MAML3: variants seen among roughly 807,000 people sequenced by gnomAD.
MAML3 encodes the protein mastermind like transcriptional coactivator 3, also known as mastermind-like protein 3.
Under a neutral mutation model 101.9 loss-of-function variants are expected in MAML3, and 27 were observed. The observed-to-expected ratio is 0.27, with a 90% CI of 0.20 to 0.37. The LOEUF (loss-of-function observed/expected upper bound fraction) is 0.37, where lower values mean the gene tolerates loss of function less well. MAML3 is among the 10% of genes least tolerant of loss of function. The pLI is 1.00. For synonymous variants in MAML3, 501 were observed against 555.9 expected, an observed-to-expected ratio of 0.90 and a Z score of 1.39; for missense variants, 1,316 against 1,444.9, an observed-to-expected ratio of 0.91 and a Z score of 1.45.
At chr4:139,860,005 C>G (rs185256125) in intron 2 of MAML3, among the ~76,000 whole-genome samples, 3 of 152,096 alleles carry the variant, frequency 2.0e-5, no homozygotes, top group Admixed American at 1.3e-4. Flanking sequence ...GAGCAGCCAC[C>G]GAGCCTCGAG....
At chr4:140,066,272 A>G (rs1400506852) in intron 1 of MAML3, among the ~76,000 whole-genome samples, 2 of 152,220 alleles carry the variant, frequency 1.3e-5, no homozygotes, top group Non-Finnish European at 2.9e-5. Flanking sequence ...CTTTCTAACA[A>G]TGAAGGTGGG....
intron 1 of MAML3, among the ~76,000 whole-genome samples, chr4:139,951,239 A>G (rs1414581265): frequency 2.0e-5 from 3 of 152,170 alleles, no homozygotes; most frequent in African/African-American, 7.2e-5. Context: ...CCATTGCCCA[A>G]AGCTGTTTTC....
At chr4:139,821,534 T>C (rs190866481) in intron 2 of MAML3, among the ~76,000 whole-genome samples, 4 of 152,184 alleles carry the variant, frequency 2.6e-5, no homozygotes, top group Admixed American at 6.5e-5. Context: ...TGGTCCCTGG[T>C]GCCAAAAAGG....
intron 2 of MAML3, among the ~76,000 whole-genome samples, chr4:139,831,553 G>A (rs1215962437): frequency 1.3e-5 from 2 of 152,078 alleles, no homozygotes; most frequent in African/African-American, 4.8e-5. Context: ...AAGAGGGTGT[G>A]GTCTTGCTGA....
intron 1 of MAML3, among the ~76,000 whole-genome samples, chr4:140,143,281 C>T (rs1729005013): frequency 1.3e-5 from 2 of 152,202 alleles, no homozygotes; most frequent in Non-Finnish European, 2.9e-5. Flanking sequence ...GTTCAGGAGA[C>T]GTTGGCTTGT....
intron 2 of MAML3, among the ~76,000 whole-genome samples, chr4:139,864,863 A>G (rs1186804644): frequency 6.6e-6 from 1 of 150,482 alleles, no homozygotes; most frequent in Non-Finnish European, 1.5e-5. Flanking sequence ...TAGTAAGCTG[A>G]TCAGAAAAAA....
At chr4:139,891,536 C>T (rs1280148985) in intron 1 of MAML3, among the ~76,000 whole-genome samples, 1 of 152,168 alleles carries the variant, frequency 6.6e-6, no homozygotes, top group Non-Finnish European at 1.5e-5. Flanking sequence ...CCTCAGCCTT[C>T]CTAAGTGCTG....
intron 1 of MAML3, among the ~76,000 whole-genome samples, chr4:140,064,395 T>C (rs894165426): frequency 1.3e-5 from 2 of 152,178 alleles, no homozygotes; most frequent in Non-Finnish European, 2.9e-5. Context: ...GCCTTTTGCG[T>C]TTTGATAAGA....
intron 1 of MAML3, among the ~76,000 whole-genome samples, chr4:140,038,336 G>A (rs997006966): frequency 6.6e-6 from 1 of 152,232 alleles, no homozygotes; most frequent in Admixed American, 6.5e-5. Context: ...TGGCAATGGT[G>A]CACCTCTTGT....
At chr4:139,922,323 A>T (rs1733144849) in intron 1 of MAML3, among the ~76,000 whole-genome samples, 2 of 152,154 alleles carry the variant, frequency 1.3e-5, no homozygotes, top group African/African-American at 2.4e-5. Context: ...ACTCATATTT[A>T]AAAAATGGCT....
chr4:139,723,938 G>A (rs1052817039), intron 4 of MAML3, among the ~76,000 whole-genome samples: 1 of 152,168 alleles, frequency 6.6e-6, no homozygotes, highest in Non-Finnish European at 1.5e-5. Flanking sequence ...AACAAGCTCC[G>A]CTGGTGCTTT....
At chr4:139,789,424 G>C (rs1730363482) in intron 2 of MAML3, among the ~76,000 whole-genome samples, 1 of 152,082 alleles carries the variant, frequency 6.6e-6, no homozygotes, top group South Asian at 2.1e-4. Context: ...GTGGGTAGAG[G>C]GCAAGCAGAG....
At chr4:140,022,217 C>T (rs1329659349) in intron 1 of MAML3, among the ~76,000 whole-genome samples, 1 of 152,166 alleles carries the variant, frequency 6.6e-6, no homozygotes, top group African/African-American at 2.4e-5. Context: ...TTGTAAATAA[C>T]ATGTAAATGT....
intron 4 of MAML3, among the ~76,000 whole-genome samples, chr4:139,724,188 A>C (rs1189451256): frequency 6.6e-6 from 1 of 152,206 alleles, no homozygotes; most frequent in Non-Finnish European, 1.5e-5. Flanking sequence ...AGCATTCCAG[A>C]GGTGGAAGGG....
chr4:140,097,383 AAGG>A (rs1413174502), intron 1 of MAML3, among the ~76,000 whole-genome samples: 3 of 152,194 alleles, frequency 2.0e-5, no homozygotes, highest in East Asian at 1.9e-4. Flanking sequence ...AGCTGCTTAG[AAGG>A]AGAAGACGAA....
intron 2 of MAML3, among the ~76,000 whole-genome samples, chr4:139,840,315 G>A (rs992091404): frequency 4.6e-5 from 7 of 152,220 alleles, no homozygotes; most frequent in Non-Finnish European, 8.8e-5. Flanking sequence ...CAGGCCAGGT[G>A]GACAACACTG....
At chr4:140,077,013 C>T (rs1452560873) in intron 1 of MAML3, among the ~76,000 whole-genome samples, 2 of 152,124 alleles carry the variant, frequency 1.3e-5, no homozygotes, top group Admixed American at 6.5e-5. Flanking sequence ...GCCTCAGCCT[C>T]CCAAGTAGCT....
rs559885603 is a variant in MAML3 at position 139,875,711 on chromosome 4, A to G, written c.2079+13646T>C. Among the ~76,000 whole-genome samples the G allele has an allele frequency of 3.3e-4, 50 of 152,246 alleles. 1 individual carries two copies. In the South Asian group the frequency reaches 9.7e-3, roughly 30 times the overall value. On this transcript the variant is annotated intron_variant, in intron 2 of 4. Coordinates refer to ENST00000509479, the MANE Select transcript of MAML3 (RefSeq NM_018717.5). ...TCCTTTCCCAGTAAGCAGCTGCACTACACACAAATGGCCATGGAAATCTCT... is the reference window on the plus strand; with the variant it reads ...TCCTTTCCCAGTAAGCAGCTGCACTGCACACAAATGGCCATGGAAATCTCT...
At chr4:139,784,324 T>C (rs1256032163) in intron 2 of MAML3, among the ~76,000 whole-genome samples, 1 of 152,196 alleles carries the variant, frequency 6.6e-6, no homozygotes, top group African/African-American at 2.4e-5. Context: ...ACACTTCCAA[T>C]TTCCTGTTTC....
Sources: gnomAD v4.1 joint callset for allele counts (sites outside exome capture counted in the v4.1 genomes callset) on GRCh38, gnomAD v4.1.1 for gene constraint, MANE v1.5 for transcripts, NCBI Gene and HGNC (gene_info 2026-07-23, HGNC 2026-07-21) for gene names.